The following CSMD1 variants were observed in gnomAD, a reference collection of about 807,000 sequenced individuals.
CSMD1 encodes CUB and sushi domain-containing protein 1.
Under a neutral mutation model 417.5 loss-of-function variants are expected in CSMD1, and 213 were observed. That is an observed-to-expected ratio of 0.51 (90% CI 0.46 to 0.57). The LOEUF is 0.57. Among genes scored for constraint, CSMD1 ranks in the 20% least tolerant of loss-of-function variants. The probability of loss-of-function intolerance (pLI) is 0.00; values close to 1 mark genes in which losing one functional copy is unlikely to be tolerated. For synonymous variants in CSMD1, 2,862 were observed against 1,736.8 expected (o/e 1.65, Z -16.11); for missense variants, 6,923 against 4,529.7 (o/e 1.53, Z -15.17).
chr8:4,277,216 T>TATATAC (rs1554515941), intron 3 of CSMD1, among the ~76,000 whole-genome samples: 122 of 147,198 alleles, frequency 8.3e-4, no homozygotes, highest in Admixed American at 5.6e-3. Flanking sequence ...TATATATATA[T>TATATAC]ACACACAGAC....
intron 2 of CSMD1, among the ~76,000 whole-genome samples, chr8:4,474,734 C>A (rs997923697): frequency 2.6e-5 from 4 of 152,176 alleles, no homozygotes; most frequent in Non-Finnish European, 4.4e-5. Flanking sequence ...CCTCTGCCAT[C>A]CGGAGACAGC....
chr8:4,006,389 C>A (rs957912922), intron 4 of CSMD1, among the ~76,000 whole-genome samples: 42 of 152,182 alleles, frequency 2.8e-4, no homozygotes, highest in African/African-American at 9.6e-4. Context: ...ACTAAAAATA[C>A]AAAAAATAGC....
intron 6 of CSMD1, among the ~76,000 whole-genome samples, chr8:3,745,096 G>C (rs1197631828): frequency 6.6e-6 from 1 of 152,158 alleles, no homozygotes; most frequent in Admixed American, 6.5e-5. Flanking sequence ...CTGAATTGTA[G>C]CCCTAGATAT....
intron 6 of CSMD1, among the ~76,000 whole-genome samples, chr8:3,750,263 T>C (rs1226701201): frequency 6.6e-6 from 1 of 151,668 alleles, no homozygotes; most frequent in Non-Finnish European, 1.5e-5. Context: ...AAGATTATAA[T>C]ATATGCGAAG....
chr8:4,599,575 C>T (rs1024941352), intron 2 of CSMD1, among the ~76,000 whole-genome samples: 8 of 151,974 alleles, frequency 5.3e-5, no homozygotes, highest in African/African-American at 1.7e-4. Context: ...TGATAAGTTA[C>T]GTCAACGAAT....
At chr8:4,183,569 A>C (rs982111578) in intron 3 of CSMD1, among the ~76,000 whole-genome samples, 3 of 152,214 alleles carry the variant, frequency 2.0e-5, no homozygotes, top group Middle Eastern at 6.3e-3. Context: ...ATTCCTTTAA[A>C]ATTTGAACTT....
intron 12 of CSMD1, among the ~76,000 whole-genome samples, chr8:3,457,393 C>T (rs769260800): frequency 6.6e-6 from 1 of 152,204 alleles, no homozygotes; most frequent in Non-Finnish European, 1.5e-5. Context: ...TCAGATGGCA[C>T]AAACTTTCTT....
At chr8:3,667,401 G>A (rs1364324985) in intron 7 of CSMD1, among the ~76,000 whole-genome samples, 2 of 152,078 alleles carry the variant, frequency 1.3e-5, no homozygotes, top group Non-Finnish European at 2.9e-5. Context: ...GAAAATTGAG[G>A]TGTGTGGAGA....
chr8:3,654,176 A>C lies in CSMD1; in HGVS notation c.1010-37379T>G. On this transcript the variant is annotated intron_variant, in intron 7 of 69. Coordinates refer to ENST00000635120, the MANE Select transcript of CSMD1 (RefSeq NM_033225.6). Reference sequence around the variant, plus strand: ...TGTGCACACACACATCACTGAAGACATCATTCTCAGCAGTGTTTTAATATT... The same window carrying C: ...TGTGCACACACACATCACTGAAGACCTCATTCTCAGCAGTGTTTTAATATT... Among the ~76,000 whole-genome samples, 3 of 152,330 alleles carry C rather than the reference A, an allele frequency of 2.0e-5. 1 individual carries two copies. The highest frequency in any genetic ancestry group is 2.0e-4 in the Admixed American group (3 of 15,294).
chr8:4,131,984 T>A (rs1039145307), intron 3 of CSMD1, among the ~76,000 whole-genome samples: 1 of 152,012 alleles, frequency 6.6e-6, no homozygotes, highest in South Asian at 2.1e-4. Flanking sequence ...CAGGATGGTC[T>A]CGATCTCCTG....
At chr8:4,682,982 AT>A (rs1192234577) in intron 1 of CSMD1, among the ~76,000 whole-genome samples, 13 of 144,564 alleles carry the variant, frequency 9.0e-5, no homozygotes, top group Admixed American at 4.1e-4. Flanking sequence ...ATATATATAT[AT>A]ATATATATAT....
intron 3 of CSMD1, among the ~76,000 whole-genome samples, chr8:4,369,259 G>A (rs1172924078): frequency 2.0e-5 from 3 of 152,056 alleles, no homozygotes; most frequent in Middle Eastern, 6.8e-3. Flanking sequence ...TGGCTCTGAT[G>A]GGTCTTTCTG....
chr8:4,230,696 A>G (rs889135220), intron 3 of CSMD1, among the ~76,000 whole-genome samples: 1 of 152,148 alleles, frequency 6.6e-6, no homozygotes, highest in African/African-American at 2.4e-5. Flanking sequence ...CCTAATAGTA[A>G]TTTTCCTAGA....
At chr8:3,684,208 T>A (rs1015970044) in intron 7 of CSMD1, among the ~76,000 whole-genome samples, 1 of 141,250 alleles carries the variant, frequency 7.1e-6, no homozygotes, top group Non-Finnish European at 1.5e-5. Context: ...CATGTAATTA[T>A]ATATAATATA....
At chr8:3,614,075 C>T (rs948079527) in intron 8 of CSMD1, among the ~76,000 whole-genome samples, 1 of 152,024 alleles carries the variant, frequency 6.6e-6, no homozygotes, top group East Asian at 1.9e-4. Flanking sequence ...TGTATATATT[C>T]GTATACACAT....
chr8:3,122,975 C>A (rs1424027580), intron 41 of CSMD1, among the ~76,000 whole-genome samples: 1 of 152,166 alleles, frequency 6.6e-6, no homozygotes. Context: ...AAAACTTCTC[C>A]AGGTGTTCGA....
intron 25 of CSMD1, among the ~76,000 whole-genome samples, chr8:3,295,973 G>A (rs372004094): frequency 2.0e-5 from 3 of 152,014 alleles, no homozygotes; most frequent in African/African-American, 4.8e-5. Context: ...CGTGGAGTTC[G>A]TGTTGTACAG....
chr8:3,732,540 C>T (rs556202224), intron 6 of CSMD1, among the ~76,000 whole-genome samples: 9 of 152,278 alleles, frequency 5.9e-5, no homozygotes, highest in African/African-American at 1.9e-4. Flanking sequence ...TGTATAATTT[C>T]TTAGTACATT....
At chr8:4,193,747 G>C (rs928190588) in intron 3 of CSMD1, among the ~76,000 whole-genome samples, 4 of 152,138 alleles carry the variant, frequency 2.6e-5, no homozygotes, top group African/African-American at 9.7e-5. Flanking sequence ...TGTTTAACAA[G>C]TGATTTTGGC....
Sources: allele counts gnomAD v4.1 joint callset (sites outside exome capture counted in the v4.1 genomes callset), GRCh38; gene constraint gnomAD v4.1.1; transcripts MANE v1.5; gene names NCBI Gene and HGNC (gene_info 2026-07-23, HGNC 2026-07-21).